The following MAL2 variants were observed in gnomAD, a reference collection of about 807,000 sequenced individuals.
MAL2 encodes the protein mal, T cell differentiation protein 2.
A neutral mutation model predicts 18.1 loss-of-function variants in MAL2; 17 were observed. The observed-to-expected ratio is 0.94, with a 90% CI of 0.64 to 1.41. MAL2 has a LOEUF of 1.41. Among genes scored for constraint, MAL2 ranks in the 40% most tolerant of loss-of-function variants. The probability of loss-of-function intolerance (pLI) is 0.00; values close to 1 mark genes in which losing one functional copy is unlikely to be tolerated. For synonymous variants in MAL2, 102 were observed against 102.3 expected, an observed-to-expected ratio of 1.00 and a Z score of 0.02; for missense variants, 222 against 231.9, an observed-to-expected ratio of 0.96 and a Z score of 0.28.
chr8:119,243,401 G>C lies in MAL2; in HGVS notation c.460-16G>C, dbSNP rs1309693239. The C allele has an allele frequency of 6.4e-7, 1 of 1,564,194 alleles. No homozygotes were observed. The highest frequency in any genetic ancestry group is 8.7e-7 in the Non-Finnish European group (1 of 1,152,968). On this transcript the variant is annotated splice_polypyrimidine_tract_variant and intron_variant, in intron 3 of 3. Transcript: ENST00000614891. ...TGTTGTAAATCTGATGTGAATTTTTGTTTCTTTTTTCTTAGATTTTTGCCT... is the reference window on the plus strand; with the variant it reads ...TGTTGTAAATCTGATGTGAATTTTTCTTTCTTTTTTCTTAGATTTTTGCCT...
At chr8:119,241,317 C>T (rs1346818747) in intron 3 of MAL2, among the ~76,000 whole-genome samples, 1 of 151,968 alleles carries the variant, frequency 6.6e-6, no homozygotes, top group Non-Finnish European at 1.5e-5. Context: ...TGCTTGAGGC[C>T]AAGAGTTTGA....
chr8:119,220,173 T>C (rs1006816485), intron 1 of MAL2, among the ~76,000 whole-genome samples: 1 of 152,228 alleles, frequency 6.6e-6, no homozygotes, highest in Non-Finnish European at 1.5e-5. Flanking sequence ...CCATTTCTCC[T>C]GCGGTGTTCT....
intron 2 of MAL2, among the ~76,000 whole-genome samples, chr8:119,225,571 A>T (rs964704966): frequency 5.3e-5 from 8 of 152,222 alleles, no homozygotes; most frequent in East Asian, 3.8e-4. Context: ...ATAGTGCCGC[A>T]ATAAACATAC....
chr8:119,211,722 G>A (rs953414495), intron 1 of MAL2, among the ~76,000 whole-genome samples: 2 of 138,608 alleles, frequency 1.4e-5, no homozygotes, highest in African/African-American at 2.7e-5. Context: ...TTTTGAGATA[G>A]GGAGATAAGG....
At chr8:119,240,511 T>G (rs1818026068) in intron 3 of MAL2, among the ~76,000 whole-genome samples, 191 bp downstream of exon 3, 1 of 152,214 alleles carries the variant, frequency 6.6e-6, no homozygotes, top group African/African-American at 2.4e-5. Context: ...TGTGGATGAT[T>G]AAACTGTAGC....
At chr8:119,210,300 C>T (rs905867923) in intron 1 of MAL2, among the ~76,000 whole-genome samples, 1 of 151,978 alleles carries the variant, frequency 6.6e-6, no homozygotes, top group African/African-American at 2.4e-5. Flanking sequence ...TCCATATGCC[C>T]TCTAATCAAA....
chr8:119,230,005 G>A (rs951569508), intron 2 of MAL2, among the ~76,000 whole-genome samples: 3 of 152,152 alleles, frequency 2.0e-5, no homozygotes, highest in African/African-American at 7.2e-5. Flanking sequence ...GACAGCTGCT[G>A]ACCCACCTGA....
chr8:119,219,636 G>A (rs906914909), intron 1 of MAL2, among the ~76,000 whole-genome samples: 8 of 152,050 alleles, frequency 5.3e-5, no homozygotes, highest in Admixed American at 4.6e-4. Context: ...GTAGCCTAAG[G>A]TTTTGTGCTG....
Position 119,231,223 on chromosome 8 carries a change from A to G in MAL2, c.304-8942A>G, listed in dbSNP as rs996498053. On this transcript the variant is annotated intron_variant, in intron 2 of 3. Coordinates refer to ENST00000614891, the MANE Select transcript of MAL2 (RefSeq NM_052886.3). ...ATCTTTTTGTATTTTTAGTAGAGAC[A>G]GGGTTTCACTGTGTTAGCCAGGATG... Among the ~76,000 whole-genome samples, 8 of 152,180 alleles carry G rather than the reference A, an allele frequency of 5.3e-5. No homozygotes were observed. In the East Asian group the frequency reaches 1.4e-3, roughly 26 times the overall value.
intron 1 of MAL2, among the ~76,000 whole-genome samples, chr8:119,209,816 G>T (rs1318370458): frequency 6.6e-6 from 1 of 152,228 alleles, no homozygotes. Context: ...TCAGTAATGG[G>T]ATCCTGACTG....
chr8:119,243,413 T>G lies in MAL2; in HGVS notation c.460-4T>G, dbSNP rs1818088564. 3 of 1,582,552 alleles carry G rather than the reference T, an allele frequency of 1.9e-6. No homozygotes were observed. Among genetic ancestry groups the G allele is most frequent in the Non-Finnish European group, 1.7e-6 (2 of 1,162,572 alleles). ...GATGTGAATTTTTGTTTCTTTTTTC[T>G]TAGATTTTTGCCTTTATGACGACAG... On this transcript the variant is annotated splice_polypyrimidine_tract_variant and splice_region_variant and intron_variant, in intron 3 of 3. Coordinates refer to ENST00000614891, the MANE Select transcript of MAL2 (RefSeq NM_052886.3).
chr8:119,238,434 T>A (rs1817962137), intron 2 of MAL2, among the ~76,000 whole-genome samples: 1 of 152,100 alleles, frequency 6.6e-6, no homozygotes, highest in Admixed American at 6.6e-5. Context: ...TACTTTAAAG[T>A]TCATAGGAAC....
chr8:119,234,330 T>TACGG (rs1443186390), intron 2 of MAL2, among the ~76,000 whole-genome samples: 3 of 152,160 alleles, frequency 2.0e-5, no homozygotes, highest in African/African-American at 7.2e-5. Context: ...TCTCGCTGAT[T>TACGG]ACTAGCACAG....
rs538817363 is a variant in MAL2 at position 119,241,691 on chromosome 8, C to T, written c.459+1371C>T. Reference sequence around the variant, plus strand: ...AGGATTTGTCAAAATTTATTGAGTGCCTGCAATGAATTAGGCTGAAGGTGG... The same window carrying T: ...AGGATTTGTCAAAATTTATTGAGTGTCTGCAATGAATTAGGCTGAAGGTGG... On this transcript the variant is annotated intron_variant, in intron 3 of 3. Transcript: ENST00000614891. Among the ~76,000 whole-genome samples the T allele has an allele frequency of 5.9e-5, 9 of 151,994 alleles. No individual in the cohort carries two copies. The South Asian group carries it at 1.0e-3, about 18-fold the overall frequency.
chr8:119,241,144 C>T (rs991356176), intron 3 of MAL2, among the ~76,000 whole-genome samples: 1 of 152,134 alleles, frequency 6.6e-6, no homozygotes, highest in African/African-American at 2.4e-5. Flanking sequence ...GCAGCACTGT[C>T]TAGTAGAACT....
intron 2 of MAL2, among the ~76,000 whole-genome samples, chr8:119,233,833 AGCATCAT>A (rs1817796214): frequency 2.0e-5 from 3 of 152,076 alleles, no homozygotes; most frequent in Non-Finnish European, 4.4e-5. Context: ...TTATGAGGCT[AGCATCAT>A]CCTGATACCA....
In MAL2 at chr8:119,244,499, G is replaced by A. The variant is rs1164497837; in HGVS notation, c.*1011G>A. On this transcript the variant is annotated 3_prime_UTR_variant, in exon 4 of 4. Coordinates refer to ENST00000614891, the MANE Select transcript of MAL2 (RefSeq NM_052886.3). ...TCTAGCTACTGATGTCTTACTTTGA[G>A]TTTATTTATGCTTCAGAATACAGTT... 1 of 152,138 alleles carries A rather than the reference G, an allele frequency of 6.6e-6. No homozygotes were observed. Among genetic ancestry groups the A allele is most frequent in the Non-Finnish European group, 1.5e-5 (1 of 68,018 alleles). 9.4% of individuals were successfully genotyped at this position (152,138 alleles called of 1,614,324 possible).
chr8:119,226,213 C>T (rs28393061), intron 2 of MAL2, among the ~76,000 whole-genome samples: 27,888 of 151,986 alleles, frequency 0.18, 3,014 homozygotes, highest in South Asian at 0.34. Flanking sequence ...AGTCCTTGCC[C>T]ATGCCTATGT....
At chr8:119,234,382 AG>A (rs1264714137) in intron 2 of MAL2, among the ~76,000 whole-genome samples, 1 of 152,054 alleles carries the variant, frequency 6.6e-6, no homozygotes, top group Non-Finnish European at 1.5e-5. Flanking sequence ...AGGCTGGGGG[AG>A]GGGCGCCCGC....
Sources: allele counts gnomAD v4.1 joint callset (sites outside exome capture counted in the v4.1 genomes callset), GRCh38; gene constraint gnomAD v4.1.1; transcripts MANE v1.5; gene names NCBI Gene and HGNC (gene_info 2026-07-23, HGNC 2026-07-21).